Variants in SCLT1 observed in about 807,000 individuals in gnomAD.
SCLT1 encodes sodium channel-associated protein 1.
Under a neutral mutation model 112.8 loss-of-function variants are expected in SCLT1, and 78 were observed. The ratio of observed to expected loss-of-function variants is 0.69; its 90% CI spans 0.58 to 0.83. The LOEUF (loss-of-function observed/expected upper bound fraction) is 0.83, where lower values mean the gene tolerates loss of function less well. SCLT1 is among the 40% of genes least tolerant of loss of function. SCLT1 has a pLI of 0.00. For synonymous variants in SCLT1, 257 were observed against 254.7 expected, an observed-to-expected ratio of 1.01 and a Z score of -0.09; for missense variants, 747 against 770.4, an observed-to-expected ratio of 0.97 and a Z score of 0.36.
intron 18 of SCLT1, among the ~76,000 whole-genome samples, chr4:128,894,834 T>C (rs1733613620): frequency 6.6e-6 from 1 of 152,234 alleles, no homozygotes; most frequent in African/African-American, 2.4e-5. Flanking sequence ...CCCACCACCA[T>C]GCCCAACTAA....
intron 3 of SCLT1, 126 bp from the exon 4 acceptor site, chr4:129,043,593 T>C: frequency 3.6e-6 from 2 of 562,710 alleles, no homozygotes; most frequent in Non-Finnish European, 6.3e-6. Context: ...AACTTTTCCC[T>C]TTTTTCCAAA....
intron 11 of SCLT1, among the ~76,000 whole-genome samples, chr4:128,963,364 A>G (rs1218773066): frequency 1.3e-5 from 2 of 152,146 alleles, no homozygotes; most frequent in African/African-American, 4.8e-5. Context: ...TTTCTCTGTC[A>G]TCTACGGAGA....
intron 1 of SCLT1, among the ~76,000 whole-genome samples, chr4:129,090,627 G>A (rs1209743461): frequency 6.6e-6 from 1 of 152,054 alleles, no homozygotes; most frequent in Non-Finnish European, 1.5e-5. Context: ...AAAATGTTTG[G>A]CTCCAACACT....
At chr4:129,060,070 G>A (rs113562824) in intron 2 of SCLT1, among the ~76,000 whole-genome samples, 20 of 152,046 alleles carry the variant, frequency 1.3e-4, no homozygotes, top group South Asian at 4.2e-4. Flanking sequence ...CAAACAACCC[G>A]TCTTCAAGTT....
chr4:128,908,681 T>C (rs1352172350), intron 18 of SCLT1, among the ~76,000 whole-genome samples: 2 of 152,186 alleles, frequency 1.3e-5, no homozygotes, highest in East Asian at 1.9e-4. Flanking sequence ...GAGACAACAG[T>C]GTTCACCAGA....
At chr4:128,917,297 T>A (rs1674974) in intron 18 of SCLT1, among the ~76,000 whole-genome samples, 36,300 of 152,028 alleles carry the variant, frequency 0.24, 5,496 homozygotes, top group African/African-American at 0.42. Context: ...GGCCTCACCA[T>A]CTCACACAAA....
intron 20 of SCLT1, among the ~76,000 whole-genome samples, chr4:128,885,615 G>A (rs941927922): frequency 7.9e-5 from 12 of 152,108 alleles, no homozygotes; most frequent in African/African-American, 9.7e-5. Flanking sequence ...CTTTTAAAAG[G>A]AGAGACAATG....
chr4:129,028,665 A>G lies in SCLT1; in HGVS notation c.290+10376T>C, dbSNP rs568507405. On this transcript the variant is annotated intron_variant, in intron 5 of 20. Coordinates refer to ENST00000281142, the MANE Select transcript of SCLT1 (RefSeq NM_144643.4). Reference sequence around the variant, plus strand: ...CCAAAAGCAATGGCAACAAAAGCCAAAATTGACAAATGGCATCTAATTAAA... The same window carrying G: ...CCAAAAGCAATGGCAACAAAAGCCAGAATTGACAAATGGCATCTAATTAAA... Among the ~76,000 whole-genome samples the G allele has an allele frequency of 2.2e-3, 340 of 152,358 alleles. 1 individual carries two copies. Among genetic ancestry groups the G allele is most frequent in the Admixed American group, 3.9e-3 (59 of 15,302 alleles).
chr4:129,026,680 A>T (rs1200404155), intron 5 of SCLT1, among the ~76,000 whole-genome samples: 3 of 152,230 alleles, frequency 2.0e-5, no homozygotes, highest in South Asian at 2.1e-4. Flanking sequence ...AGCTAGCAGA[A>T]GGCAAGAAAT....
rs545120067 is a variant in SCLT1, at chr4:129,064,189, T to C, written c.102+18117A>G. Reference sequence around the variant, plus strand: ...TGTTTTTTCTTGTTTGTTAAACTGTTGAATTTTAAGAGTTCTATATAAATT... The same window carrying C: ...TGTTTTTTCTTGTTTGTTAAACTGTCGAATTTTAAGAGTTCTATATAAATT... On this transcript the variant is annotated intron_variant, in intron 2 of 20. Coordinates refer to ENST00000281142, the MANE Select transcript of SCLT1 (RefSeq NM_144643.4). 3.9e-5 allele frequency among the ~76,000 whole-genome samples: 6 copies of C among 152,336 alleles called. 1 individual carries two copies. In the South Asian group the frequency reaches 1.2e-3, roughly 32 times the overall value.
intron 16 of SCLT1, among the ~76,000 whole-genome samples, chr4:128,945,119 G>C (rs912172144): frequency 1.3e-5 from 2 of 152,050 alleles, no homozygotes; most frequent in African/African-American, 4.8e-5. Context: ...AGAAGACTTC[G>C]ATATCTCCTT....
intron 15 of SCLT1, among the ~76,000 whole-genome samples, chr4:128,947,704 A>T (rs866122818): frequency 2.6e-5 from 4 of 152,220 alleles, no homozygotes; most frequent in Non-Finnish European, 5.9e-5. Context: ...CTGCTAATAA[A>T]AAAGCATATG....
chr4:129,072,152 C>T (rs912746818), intron 2 of SCLT1, among the ~76,000 whole-genome samples: 2 of 152,118 alleles, frequency 1.3e-5, no homozygotes, highest in Non-Finnish European at 2.9e-5. Context: ...CTAATCCCTT[C>T]CAGCTTGTCT....
intron 13 of SCLT1, among the ~76,000 whole-genome samples, chr4:128,954,019 A>G (rs1200286778): frequency 6.6e-6 from 1 of 152,134 alleles, no homozygotes; most frequent in African/African-American, 2.4e-5. Context: ...TGCACAGAGC[A>G]TTTTGAAGAG....
At chr4:128,908,235 C>T (rs1259617059) in intron 18 of SCLT1, among the ~76,000 whole-genome samples, 25 of 152,108 alleles carry the variant, frequency 1.6e-4, no homozygotes, top group Non-Finnish European at 1.8e-4. Context: ...TTCCTTGGAA[C>T]TCTCTTATGA....
chr4:128,923,633 A>G (rs1051111481), intron 18 of SCLT1, among the ~76,000 whole-genome samples: 1 of 87,120 alleles, frequency 1.1e-5, no homozygotes, highest in Non-Finnish European at 2.3e-5. Flanking sequence ...ATAGTCTTCT[A>G]TATCTGTTTT....
At chr4:128,881,126 A>G (rs114784321), downstream of SCLT1, among the ~76,000 whole-genome samples, 1,116 of 152,202 alleles carry the variant, frequency 7.3e-3, 8 homozygotes, top group Non-Finnish European at 0.01. Flanking sequence ...ATATTTTTCT[A>G]AGGTTTAAGG....
rs1732569699 is a variant in SCLT1 at position 128,878,453 on chromosome 4, C to A, written n.226-1817G>T. Among the ~76,000 whole-genome samples the A allele has an allele frequency of 4.6e-5, 7 of 152,162 alleles. No individual in the cohort carries two copies. In the South Asian group the frequency reaches 1.4e-3, roughly 31 times the overall value. On this transcript the variant is annotated intron_variant and non_coding_transcript_variant, in intron 3 of 7. Coordinates refer to the SCLT1 transcript ENST00000503565. ...CTTTGGTGTTTCCCTTCCCATGCAA[C>A]AGTTTCAAAGAGAGCTTTTCTCCTT...
At chr4:128,895,921 C>A (rs1047243107) in intron 18 of SCLT1, among the ~76,000 whole-genome samples, 1 of 152,184 alleles carries the variant, frequency 6.6e-6, no homozygotes, top group African/African-American at 2.4e-5. Flanking sequence ...GTCCTATGCC[C>A]ACGGAGCCTC....
Sources: allele counts gnomAD v4.1 joint callset (sites outside exome capture counted in the v4.1 genomes callset), GRCh38; gene constraint gnomAD v4.1.1; transcripts MANE v1.5; gene names NCBI Gene and HGNC (gene_info 2026-07-23, HGNC 2026-07-21).